TPO: variants seen among roughly 807,000 people sequenced by gnomAD.
The protein encoded by TPO is thyroid microsomal antigen.
A neutral mutation model predicts 96.9 loss-of-function variants in TPO; 78 were observed. That is an observed-to-expected ratio of 0.81 (90% CI 0.67 to 0.97). TPO has a LOEUF of 0.97. Ranked by LOEUF, TPO falls within the 50% of genes least tolerant of loss-of-function variation. The pLI, the probability that TPO is intolerant of heterozygous loss-of-function variation, is 0.00. For missense variants in TPO, 1,252 were observed against 1,274.8 expected (o/e 0.98, Z 0.27); for synonymous variants, 547 against 538.0 (o/e 1.02, Z -0.23).
intron 8 of TPO, among the ~76,000 whole-genome samples, chr2:1,480,559 TACACACAC>T (rs3036105): frequency 0.012 from 544 of 44,344 alleles, 11 homozygotes; most frequent in African/African-American, 0.048. Flanking sequence ...TCAAACCCCC[TACACACAC>T]ACACACACAC....
chr2:1,381,358 A>G (rs1661809446), intron 1 of TPO, among the ~76,000 whole-genome samples: 1 of 152,228 alleles, frequency 6.6e-6, no homozygotes, highest in Non-Finnish European at 1.5e-5. Flanking sequence ...ATGAACAGAC[A>G]CTTCTCAAAA....
intron 7 of TPO, among the ~76,000 whole-genome samples, chr2:1,460,382 G>C (rs59513725): frequency 0.38 from 57,205 of 152,018 alleles, 10,959 homozygotes; most frequent in South Asian, 0.48. Flanking sequence ...CTCCCCAGCA[G>C]AATCTGTGCA....
intron 1 of TPO, among the ~76,000 whole-genome samples, chr2:1,386,357 T>C (rs1221132040): frequency 6.6e-6 from 1 of 152,154 alleles, no homozygotes; most frequent in Non-Finnish European, 1.5e-5. Flanking sequence ...CTAAGTCTCT[T>C]TGTAGGTCTC....
At chr2:1,389,658 C>T (rs79620307) in intron 1 of TPO, among the ~76,000 whole-genome samples, 2,618 of 152,116 alleles carry the variant, frequency 0.017, 54 homozygotes, top group East Asian at 0.062. Flanking sequence ...TTACTTGGGC[C>T]GTTTCTGTCC....
intron 14 of TPO, among the ~76,000 whole-genome samples, chr2:1,516,499 C>A (rs574413536): frequency 1.3e-5 from 2 of 152,194 alleles, no homozygotes; most frequent in South Asian, 4.1e-4. Context: ...GAACCTTTCC[C>A]GCCCCGGTCC....
At chr2:1,460,516 TAA>T (rs567172259) in intron 7 of TPO, among the ~76,000 whole-genome samples, 2 of 152,112 alleles carry the variant, frequency 1.3e-5, no homozygotes, top group Non-Finnish European at 2.9e-5. Context: ...TTGTTGTCCA[TAA>T]AAAGAGTATA....
At chr2:1,533,126 C>CA (rs1678714724) in intron 15 of TPO, among the ~76,000 whole-genome samples, 1 of 139,786 alleles carries the variant, frequency 7.2e-6, no homozygotes, top group Non-Finnish European at 1.5e-5. Flanking sequence ...CCCCAAATCC[C>CA]CCACTGTGTG....
At chr2:1,418,998 T>G (rs1227208389) in intron 2 of TPO, among the ~76,000 whole-genome samples, 1 of 152,224 alleles carries the variant, frequency 6.6e-6, no homozygotes, top group African/African-American at 2.4e-5. Flanking sequence ...TTGGCTTTCA[T>G]ATATATATTT....
Position 1,542,810 on chromosome 2 carries a change from C to A in TPO, c.*336C>A. The stretch of plus-strand genomic sequence containing the variant: ...CTTCTGGCATCTCTGATGCCGTGCT[C>A]GTCTGCACTCTGCCCCGGCGGTCCC... On this transcript the variant is annotated 3_prime_UTR_variant, in exon 17 of 17. Coordinates refer to ENST00000329066, the MANE Select transcript of TPO (RefSeq NM_001206744.2). 2.0e-6 allele frequency: 1 copy of A among 510,352 alleles called. No homozygotes were observed. The highest frequency in any genetic ancestry group is 3.4e-6 in the Non-Finnish European group (1 of 296,640). 31.6% of individuals were successfully genotyped at this position (510,352 alleles called of 1,614,324 possible).
chr2:1,388,677 G>A (rs1270609505), intron 1 of TPO, among the ~76,000 whole-genome samples: 5 of 152,104 alleles, frequency 3.3e-5, no homozygotes, highest in African/African-American at 9.7e-5. Flanking sequence ...GTGATGCCTC[G>A]CCCTGCTTTG....
At chr2:1,390,159 T>TC (rs933639094) in intron 1 of TPO, among the ~76,000 whole-genome samples, 19 of 128,836 alleles carry the variant, frequency 1.5e-4, no homozygotes, top group South Asian at 4.7e-4. Flanking sequence ...CCTAATGCTA[T>TC]CCCCCCCCAG....
intron 15 of TPO, among the ~76,000 whole-genome samples, chr2:1,535,796 C>T (rs1477381153): frequency 1.0e-5 from 1 of 96,264 alleles, no homozygotes; most frequent in African/African-American, 3.6e-5. Context: ...GTGCAACCTC[C>T]GCCATCCCTC....
chr2:1,534,105 C>T (rs1381284673), intron 15 of TPO, among the ~76,000 whole-genome samples: 2 of 96,470 alleles, frequency 2.1e-5, no homozygotes, highest in Non-Finnish European at 4.4e-5. Context: ...CCCAAAACGC[C>T]CCCACTCTGT....
chr2:1,493,826 G>A lies in TPO; in HGVS notation c.1793G>A (p.Cys598Tyr). The change falls in exon 11 of 17, where the codon TGC becomes TAC. Residue 598 changes from cysteine (C) to tyrosine (Y), a missense_variant. Physicochemically the swap from Cys to Tyr is radical, Grantham distance 194. Coordinates refer to ENST00000329066, the MANE Select transcript of TPO (RefSeq NM_001206744.2). ...LPGYNEWREF[C>Y]GLPRLETPAD... ...GGTTACAATGAGTGGAGGGAGTTCT[G>A]CGGCCTGCCTCGCCTGGAGACCCCC... 6.2e-7 allele frequency: 1 copy of A among 1,614,088 alleles called. No individual in the cohort carries two copies. The highest frequency in any genetic ancestry group is 8.5e-7 in the Non-Finnish European group (1 of 1,180,002).
intron 15 of TPO, among the ~76,000 whole-genome samples, chr2:1,537,478 T>TCCCCAAA (rs1680051993): frequency 1.4e-3 from 41 of 28,736 alleles, no homozygotes; most frequent in Middle Eastern, 0.025. Flanking sequence ...CCTCAAATTC[T>TCCCCAAA]TCCACTCTGT....
intron 15 of TPO, among the ~76,000 whole-genome samples, chr2:1,537,475 T>TCCCAC: frequency 1.1e-5 from 1 of 93,788 alleles, no homozygotes; most frequent in East Asian, 3.1e-4. Flanking sequence ...CCTCCTCAAA[T>TCCCAC]TCTTCCACTC....
At chr2:1,413,794 G>A (rs1014316436) in intron 1 of TPO, 3 of 961,782 alleles carry the variant, frequency 3.1e-6, no homozygotes, top group Non-Finnish European at 3.7e-6. Flanking sequence ...GGACTCACTG[G>A]TGCTATCCTG....
chr2:1,457,255 GTA>G (rs1667888843), intron 7 of TPO, among the ~76,000 whole-genome samples: 1 of 85,102 alleles, frequency 1.2e-5, no homozygotes, highest in Non-Finnish European at 2.3e-5. Flanking sequence ...GATACTGTGG[GTA>G]CACATATATA....
At chr2:1,496,231 G>T in intron 12 of TPO, 34 bp downstream of exon 12, 1 of 1,602,140 alleles carries the variant, frequency 6.2e-7, no homozygotes, top group Non-Finnish European at 8.5e-7. Context: ...CCACGTTACA[G>T]CACGTGCATC....
Sources: gnomAD v4.1 joint callset for allele counts (sites outside exome capture counted in the v4.1 genomes callset) on GRCh38, gnomAD v4.1.1 for gene constraint, MANE v1.5 for transcripts, NCBI Gene and HGNC (gene_info 2026-07-23, HGNC 2026-07-21) for gene names.